MKLN1: variants seen among roughly 807,000 people sequenced by gnomAD.
The protein encoded by MKLN1 is muskelin 1, also known as muskelin.
In MKLN1, 18 loss-of-function variants were observed where a neutral mutation model predicts 99.0. That is an observed-to-expected ratio of 0.18 (90% CI 0.13 to 0.27). MKLN1 has a LOEUF of 0.27. Among genes scored for constraint, MKLN1 ranks in the 10% least tolerant of loss-of-function variants. The pLI is 1.00. For synonymous variants in MKLN1, 288 were observed against 293.2 expected, an observed-to-expected ratio of 0.98 and a Z score of 0.18; for missense variants, 621 against 875.9, an observed-to-expected ratio of 0.71 and a Z score of 3.67.
intron 4 of MKLN1, 25 bp downstream of exon 4, chr7:131,388,997 G>A (rs1410155456): frequency 6.6e-7 from 1 of 1,505,936 alleles, no homozygotes; most frequent in Non-Finnish European, 9.2e-7. Flanking sequence ...TTCTGAAATA[G>A]AAACAAATTC....
chr7:131,150,427 C>A (rs1044911268), intron 2 of MKLN1, among the ~76,000 whole-genome samples: 2 of 152,224 alleles, frequency 1.3e-5, no homozygotes, highest in South Asian at 4.1e-4. Context: ...GTCAAGACTG[C>A]AGTGAGCTAT....
chr7:131,286,743 C>T (rs1280724825), intron 3 of MKLN1, among the ~76,000 whole-genome samples: 2 of 152,162 alleles, frequency 1.3e-5, no homozygotes, highest in African/African-American at 4.8e-5. Context: ...TTGGATAAAA[C>T]AATATTTATA....
At chr7:131,316,707 T>C (rs71578952) in intron 3 of MKLN1, among the ~76,000 whole-genome samples, 68,153 of 151,822 alleles carry the variant, frequency 0.45, 16,802 homozygotes, top group Admixed American at 0.59. Context: ...CTAAGAACCT[T>C]GATAAAAGGT....
chr7:131,416,150 G>A (rs942004089), intron 8 of MKLN1, among the ~76,000 whole-genome samples: 1 of 152,102 alleles, frequency 6.6e-6, no homozygotes, highest in South Asian at 2.1e-4. Context: ...CTAAATCTAT[G>A]TTTATTTGAA....
At chr7:131,277,890 C>T (rs1326474104) in intron 3 of MKLN1, among the ~76,000 whole-genome samples, 1 of 152,058 alleles carries the variant, frequency 6.6e-6, no homozygotes, top group Non-Finnish European at 1.5e-5. Context: ...CCAATATGTA[C>T]ACCTTTTATA....
chr7:131,468,124 C>T (rs570050070), intron 15 of MKLN1, among the ~76,000 whole-genome samples: 10 of 152,262 alleles, frequency 6.6e-5, no homozygotes, highest in African/African-American at 2.4e-4. Context: ...TCTTAACATT[C>T]CGGATAAACT....
intron 17 of MKLN1, among the ~76,000 whole-genome samples, chr7:131,485,137 A>G (rs1797237470): frequency 6.6e-6 from 1 of 152,096 alleles, no homozygotes; most frequent in African/African-American, 2.4e-5. Flanking sequence ...TATACCAGAA[A>G]GTAAGGAAGT....
chr7:131,289,025 G>C lies in MKLN1; in HGVS notation c.-179+86051G>C, dbSNP rs74365274. 2.8e-4 allele frequency among the ~76,000 whole-genome samples: 43 copies of C among 152,216 alleles called. 1 individual carries two copies. In the East Asian group the frequency reaches 8.1e-3, roughly 29 times the overall value. On this transcript the variant is annotated intron_variant, in intron 3 of 7. Transcript: ENST00000416992. Reference sequence around the variant, plus strand: ...AGTAGAAGTAAATGGGGGTCTCACTGTGTTGCCCAGGCTAGTCTTGAACTC... The same window carrying C: ...AGTAGAAGTAAATGGGGGTCTCACTCTGTTGCCCAGGCTAGTCTTGAACTC...
intron 3 of MKLN1, among the ~76,000 whole-genome samples, chr7:131,245,336 C>T (rs1184754319): frequency 2.1e-5 from 3 of 145,864 alleles, no homozygotes; most frequent in South Asian, 2.3e-4. Flanking sequence ...GGCGTGATCT[C>T]GGCTCACTGC....
chr7:131,426,458 G>T (rs893576447), intron 8 of MKLN1, among the ~76,000 whole-genome samples: 1 of 151,262 alleles, frequency 6.6e-6, no homozygotes, highest in Admixed American at 6.6e-5. Context: ...TTTTTTTTCT[G>T]TAAAATTATG....
At chr7:131,188,303 C>A (rs1454644668) in intron 2 of MKLN1, among the ~76,000 whole-genome samples, 1 of 152,238 alleles carries the variant, frequency 6.6e-6, no homozygotes, top group Non-Finnish European at 1.5e-5. Context: ...AACAAACCAT[C>A]TTAAAATTGC....
chr7:131,368,081 T>G (rs923492540), intron 1 of MKLN1, among the ~76,000 whole-genome samples: 4 of 152,154 alleles, frequency 2.6e-5, no homozygotes, highest in African/African-American at 9.7e-5. Context: ...TATAGAATAC[T>G]ACTATGGCAA....
intron 2 of MKLN1, among the ~76,000 whole-genome samples, chr7:131,174,850 G>C (rs1796269601): frequency 6.6e-6 from 1 of 152,136 alleles, no homozygotes; most frequent in Admixed American, 6.6e-5. Flanking sequence ...CTTGAGTAGA[G>C]TTATAGAACA....
At chr7:131,263,373 A>AT (rs1458611823) in intron 3 of MKLN1, among the ~76,000 whole-genome samples, 1 of 148,888 alleles carries the variant, frequency 6.7e-6, no homozygotes, top group African/African-American at 2.5e-5. Flanking sequence ...AATAATAATA[A>AT]AATTAGCTGG....
At chr7:131,251,176 C>T (rs1797573032) in intron 3 of MKLN1, among the ~76,000 whole-genome samples, 1 of 151,766 alleles carries the variant, frequency 6.6e-6, no homozygotes, top group Non-Finnish European at 1.5e-5. Context: ...TAAGTATATT[C>T]GCAATCTTGT....
In MKLN1 at chr7:131,411,322, G is replaced by T; in HGVS notation, c.720G>T (p.Gln240His). ...TATTTGCAGATGGCTTGTTCAATCAGTATATCAGTCAACAGGAATATAAGC... is the reference window on the plus strand; with the variant it reads ...TATTTGCAGATGGCTTGTTCAATCATTATATCAGTCAACAGGAATATAAGC... ...EKAVNDGLFN[Q>H]YISQQEYKPR... The change falls in exon 7 of 18, where the codon CAG becomes CAT. Residue 240 changes from glutamine to histidine, a missense_variant. By Grantham distance (24) the Gln-to-His change is conservative (BLOSUM62 0). This residue lies in a region of MKLN1 where 361 missense variants were observed against 540.8 expected (regional missense o/e 0.67). Transcript: ENST00000352689. 1 of 1,608,300 alleles carries T rather than the reference G, an allele frequency of 6.2e-7. No homozygotes were observed.
intron 1 of MKLN1, among the ~76,000 whole-genome samples, chr7:131,334,901 GTTTAT>G (rs1331517008): frequency 6.6e-6 from 1 of 152,118 alleles, no homozygotes; most frequent in Admixed American, 6.5e-5. Context: ...ATTACTGTTT[GTTTAT>G]AATACCATTT....
At position 131,494,111 on chromosome 7, in the gene MKLN1, A is replaced by G. The variant is rs1366758412; in HGVS notation, c.*6383A>G. ...TTTCATGTATAACTTGTAACACAGA[A>G]TTGAACTGATACTAGTTTCCTTGCC... On this transcript the variant is annotated 3_prime_UTR_variant, in exon 18 of 18. Coordinates refer to ENST00000352689, the MANE Select transcript of MKLN1 (RefSeq NM_013255.5). 6.6e-6 allele frequency: 1 copy of G among 152,248 alleles called. No individual in the cohort carries two copies. Among genetic ancestry groups the G allele is most frequent in the Non-Finnish European group, 1.5e-5 (1 of 68,038 alleles). The allele number at this position is 152,248 out of a possible 1,614,324, so 9.4% of individuals were successfully genotyped here. A position where few individuals can be genotyped will look rare whatever the true frequency, so the allele number is the denominator to read the frequency against.
chr7:131,407,630 C>CA (rs1290463760), intron 6 of MKLN1, among the ~76,000 whole-genome samples: 1 of 150,628 alleles, frequency 6.6e-6, no homozygotes, highest in Non-Finnish European at 1.5e-5. Context: ...GCTCATAATG[C>CA]AAAAATCTCA....
Sources: allele counts gnomAD v4.1 joint callset (sites outside exome capture counted in the v4.1 genomes callset), GRCh38; gene constraint gnomAD v4.1.1; regional missense constraint gnomAD v4.1.1; transcripts MANE v1.5; gene names NCBI Gene and HGNC (gene_info 2026-07-23, HGNC 2026-07-21).